ZC3H11A: variants seen among roughly 807,000 people sequenced by gnomAD.
ZC3H11A encodes zinc finger CCCH domain-containing protein 11A.
In ZC3H11A, 22 loss-of-function variants were observed where a neutral mutation model predicts 90.8. That is an observed-to-expected ratio of 0.24 (90% CI 0.17 to 0.35). ZC3H11A has a LOEUF of 0.35. Among genes scored for constraint, ZC3H11A ranks in the 10% least tolerant of loss-of-function variants. The pLI, the probability that ZC3H11A is intolerant of heterozygous loss-of-function variation, is 1.00. For missense variants in ZC3H11A, 701 were observed against 964.9 expected, an observed-to-expected ratio of 0.73 and a Z score of 3.62; for synonymous variants, 294 against 339.8, an observed-to-expected ratio of 0.87 and a Z score of 1.48.
At chr1:203,797,377 GCT>G in intron 1 of ZC3H11A, 1 of 723,356 alleles carries the variant, frequency 1.4e-6, no homozygotes, top group South Asian at 2.4e-5. Flanking sequence ...AAATAACCTG[GCT>G]TGGAAGTTAT....
intron 4 of ZC3H11A, among the ~76,000 whole-genome samples, chr1:203,827,979 A>G (rs1188369728): frequency 6.6e-6 from 1 of 152,200 alleles, no homozygotes; most frequent in Non-Finnish European, 1.5e-5. Context: ...CATAATAGAG[A>G]TTCAGACCGT....
At chr1:203,830,925 A>ATTTTTTTTT (rs774771270) in intron 8 of ZC3H11A, among the ~76,000 whole-genome samples, 5 of 51,386 alleles carry the variant, frequency 9.7e-5, no homozygotes, top group Non-Finnish European at 7.4e-5. Context: ...CCAACCCCCA[A>ATTTTTTTTT]TTTTTTTTTT....
At chr1:203,842,377 A>T (rs1206563709) in intron 12 of ZC3H11A, among the ~76,000 whole-genome samples, 1 of 152,128 alleles carries the variant, frequency 6.6e-6, no homozygotes, top group Non-Finnish European at 1.5e-5. Context: ...CAGGCAGATC[A>T]CTCGCGGTCA....
chr1:203,799,145 A>C, intron 1 of ZC3H11A: 1 of 1,493,314 alleles, frequency 6.7e-7, no homozygotes, highest in Non-Finnish European at 9.0e-7. Context: ...ATATTTTACA[A>C]GAATTAAATG....
intron 2 of ZC3H11A, among the ~76,000 whole-genome samples, chr1:203,805,298 A>AT (rs913319704): frequency 1.3e-5 from 2 of 150,044 alleles, no homozygotes; most frequent in African/African-American, 4.9e-5. Flanking sequence ...CACCCGGCTA[A>AT]TTTTTTGTAT....
chr1:203,806,892 T>C (rs1337388758), intron 2 of ZC3H11A, among the ~76,000 whole-genome samples: 1 of 150,194 alleles, frequency 6.7e-6, no homozygotes, highest in Non-Finnish European at 1.5e-5. Context: ...TTTCTTCACT[T>C]TTTAACCATT....
At chr1:203,831,118 A>AT (rs899262434) in intron 8 of ZC3H11A, among the ~76,000 whole-genome samples, 3 of 151,304 alleles carry the variant, frequency 2.0e-5, no homozygotes, top group African/African-American at 4.9e-5. Flanking sequence ...GTAATTTTGT[A>AT]TTTTTGGTAA....
At chr1:203,798,085 A>G (rs745850745) in intron 1 of ZC3H11A, 1 of 1,536,148 alleles carries the variant, frequency 6.5e-7, no homozygotes, top group Non-Finnish European at 8.7e-7. Flanking sequence ...ACCAGGGCCA[A>G]CAAGTTTGGA....
chr1:203,850,744 C>T (rs1311612294), intron 16 of ZC3H11A, 63 bp downstream of exon 16: 2 of 1,561,998 alleles, frequency 1.3e-6, no homozygotes, highest in Non-Finnish European at 8.7e-7. Flanking sequence ...GAAAGACTAA[C>T]TCTCCACTAG....
chr1:203,806,967 C>G (rs1002666901), intron 2 of ZC3H11A, among the ~76,000 whole-genome samples: 1 of 150,334 alleles, frequency 6.7e-6, no homozygotes, highest in Non-Finnish European at 1.5e-5. Flanking sequence ...CCCTTTTACT[C>G]TAGTAAATAT....
At chr1:203,805,282 C>T (rs1298572429) in intron 2 of ZC3H11A, among the ~76,000 whole-genome samples, 1 of 151,308 alleles carries the variant, frequency 6.6e-6, no homozygotes, top group Non-Finnish European at 1.5e-5. Flanking sequence ...CAGGCGCCCG[C>T]CACCACACCC....
At chr1:203,842,876 A>G (rs1686852005) in intron 12 of ZC3H11A, among the ~76,000 whole-genome samples, 1 of 151,142 alleles carries the variant, frequency 6.6e-6, no homozygotes. Flanking sequence ...ATATATATGT[A>G]CAGTTTAAGG....
chr1:203,835,544 A>C (rs1039697066), intron 10 of ZC3H11A: 1 of 165,116 alleles, frequency 6.1e-6, no homozygotes, highest in African/African-American at 2.4e-5. Flanking sequence ...TTTATTTACA[A>C]TAGCGCAAAT....
intron 5 of ZC3H11A, 63 bp downstream of exon 5, chr1:203,828,485 C>T: frequency 2.0e-6 from 3 of 1,531,650 alleles, no homozygotes; most frequent in Non-Finnish European, 1.8e-6. Flanking sequence ...CACTGTACAA[C>T]AGTACTTTTC....
At chr1:203,832,320 C>CGAA (rs1376317992) in intron 9 of ZC3H11A, among the ~76,000 whole-genome samples, 1 of 151,896 alleles carries the variant, frequency 6.6e-6, no homozygotes. Flanking sequence ...CTTGGCCTCC[C>CGAA]GAAGTGCTGG....
At chr1:203,850,951 C>T in intron 16 of ZC3H11A, 106 bp from the exon 17 acceptor site, 1 of 1,360,376 alleles carries the variant, frequency 7.4e-7, no homozygotes, top group South Asian at 1.2e-5. Flanking sequence ...GATTCACAGG[C>T]TTAAAGAATC....
chr1:203,830,892 G>A lies in ZC3H11A; in HGVS notation c.700+689G>A, dbSNP rs149223522. On this transcript the variant is annotated intron_variant, in intron 8 of 17. Coordinates refer to ENST00000367210, the MANE Select transcript of ZC3H11A (RefSeq NM_001376342.1). ...GCTAGGATTTTCTTCTGGAGCTTAC[G>A]TCAGCCTGATTGCTCTGTATTTCCA... Among the ~76,000 whole-genome samples the A allele has an allele frequency of 3.0e-3, 432 of 142,318 alleles. 11 individuals are homozygous for A. The highest frequency in any genetic ancestry group is 6.2e-4 in the East Asian group (3 of 4,848). The allele number at this position is 142,318 out of a possible 152,430, so 93.4% of individuals were successfully genotyped here.
chr1:203,847,036 GAAAT>G lies in ZC3H11A; in HGVS notation c.1043-143_1043-140del, dbSNP rs1198607031. On this transcript the variant is annotated intron_variant, in intron 12 of 17. Coordinates refer to ENST00000367210, the MANE Select transcript of ZC3H11A (RefSeq NM_001376342.1). ...AAAAAGAAAAAGAAAAAAAGGAAAA[GAAAT>G]AAATGTTACCCTTTTGATCCTTTTA... The G allele has an allele frequency of 2.0e-5, 17 of 865,844 alleles. No individual in the cohort carries two copies. The Admixed American group carries it at 3.4e-4, about 17-fold the overall frequency. 53.6% of individuals were successfully genotyped at this position (865,844 alleles called of 1,614,324 possible).
At chr1:203,835,085 T>C (rs1387836376) in intron 10 of ZC3H11A, among the ~76,000 whole-genome samples, 1 of 152,264 alleles carries the variant, frequency 6.6e-6, no homozygotes, top group Non-Finnish European at 1.5e-5. Context: ...AGAACCGTTC[T>C]GAACTTAGTC....
Sources: allele counts gnomAD v4.1 joint callset (sites outside exome capture counted in the v4.1 genomes callset), GRCh38; gene constraint gnomAD v4.1.1; transcripts MANE v1.5; gene names NCBI Gene and HGNC (gene_info 2026-07-23, HGNC 2026-07-21).